Variants in TTLL7 observed in about 807,000 individuals in gnomAD.
TTLL7 encodes the protein tubulin polyglutamylase TTLL7.
A neutral mutation model predicts 120.2 loss-of-function variants in TTLL7; 53 were observed. That is an observed-to-expected ratio of 0.44 (90% CI 0.35 to 0.55). The LOEUF (loss-of-function observed/expected upper bound fraction) is 0.55. Among genes scored for constraint, TTLL7 ranks in the 20% least tolerant of loss-of-function variants. The pLI is 0.00. For synonymous variants in TTLL7, 353 were observed against 351.7 expected (o/e 1.00, Z -0.04); for missense variants, 803 against 1,054.7 (o/e 0.76, Z 3.31).
intron 20 of TTLL7, among the ~76,000 whole-genome samples, chr1:83,876,470 C>CA (rs1448261768): frequency 3.3e-5 from 5 of 151,506 alleles, no homozygotes; most frequent in African/African-American, 1.2e-4. Flanking sequence ...TTCTCCCCGC[C>CA]AAAAATAAAA....
chr1:83,976,272 T>C (rs901738183), intron 1 of TTLL7, among the ~76,000 whole-genome samples: 3 of 152,206 alleles, frequency 2.0e-5, no homozygotes, highest in Admixed American at 1.3e-4. Context: ...TCTGTAGCCA[T>C]CATCAACCCA....
intron 1 of TTLL7, among the ~76,000 whole-genome samples, chr1:83,976,043 G>C (rs375914586): frequency 0.4 from 51,125 of 129,002 alleles, 9,530 homozygotes; most frequent in Non-Finnish European, 0.48. Context: ...CTGTGTGTGT[G>C]TGTGTGTGTG....
intron 14 of TTLL7, among the ~76,000 whole-genome samples, chr1:83,915,467 C>T (rs1298548799): frequency 6.6e-6 from 1 of 152,172 alleles, no homozygotes; most frequent in Non-Finnish European, 1.5e-5. Context: ...GGACCCCTTC[C>T]TTACACCTTA....
chr1:83,928,793 C>T (rs1459998995), intron 10 of TTLL7, among the ~76,000 whole-genome samples: 2 of 151,874 alleles, frequency 1.3e-5, no homozygotes, highest in African/African-American at 4.8e-5. Flanking sequence ...CCAATTTAAT[C>T]TTGTACTCTA....
chr1:83,958,599 A>C (rs142311597), intron 1 of TTLL7, among the ~76,000 whole-genome samples: 33 of 152,308 alleles, frequency 2.2e-4, no homozygotes, highest in African/African-American at 7.9e-4. Context: ...TTTTTGTATT[A>C]TTAATTTCAT....
intron 19 of TTLL7, chr1:83,884,959 GTTAAA>G (rs1427387994): frequency 6.2e-6 from 1 of 162,450 alleles, no homozygotes; most frequent in African/African-American, 2.4e-5. Flanking sequence ...TAATTCGACG[GTTAAA>G]TTAACTGTAA....
chr1:83,875,207 C>G (rs1455369013), intron 20 of TTLL7, among the ~76,000 whole-genome samples: 9 of 151,868 alleles, frequency 5.9e-5, no homozygotes, highest in African/African-American at 2.2e-4. Flanking sequence ...TAATTACTTC[C>G]TTGTTTACTA....
chr1:83,894,285 A>G (rs1197144970), intron 18 of TTLL7, among the ~76,000 whole-genome samples: 1 of 152,168 alleles, frequency 6.6e-6, no homozygotes, highest in Non-Finnish European at 1.5e-5. Context: ...TATGAGTTAT[A>G]TAAAAATAAC....
At chr1:83,873,156 A>G (rs1183980167) in intron 20 of TTLL7, among the ~76,000 whole-genome samples, 1 of 152,230 alleles carries the variant, frequency 6.6e-6, no homozygotes, top group Non-Finnish European at 1.5e-5. Context: ...AAACTTTTTC[A>G]TAGAAGCAGA....
chr1:83,887,996 A>T (rs1422163706), intron 19 of TTLL7, among the ~76,000 whole-genome samples: 1 of 152,040 alleles, frequency 6.6e-6, no homozygotes, highest in Non-Finnish European at 1.5e-5. Context: ...ACTGGCAGGC[A>T]GTATTGTGCC....
At position 83,992,854 on chromosome 1, in the gene TTLL7, G is replaced by C. The variant is rs564813484; in HGVS notation, c.-177+6077C>G. Among the ~76,000 whole-genome samples the C allele has an allele frequency of 2.1e-4, 26 of 125,986 alleles. No homozygotes were observed. In the South Asian group the frequency reaches 5.8e-3, roughly 28 times the overall value. 82.7% of individuals were successfully genotyped at this position (125,986 alleles called of 152,430 possible). A position where few individuals can be genotyped will look rare whatever the true frequency, so the allele number is the denominator to read the frequency against. On this transcript the variant is annotated intron_variant, in intron 1 of 20. Transcript: ENST00000260505. ...AGCTTTTCTCTCCAAAAAACAACTA[G>C]CATGTATTTGTTAGTTAACTGCAGA...
At chr1:83,958,774 T>C (rs1451983623) in intron 1 of TTLL7, among the ~76,000 whole-genome samples, 1 of 152,192 alleles carries the variant, frequency 6.6e-6, no homozygotes, top group African/African-American at 2.4e-5. Flanking sequence ...CAGATTGGAT[T>C]TAATGTCAGT....
chr1:83,893,418 C>T (rs1655951334), intron 18 of TTLL7, among the ~76,000 whole-genome samples: 1 of 151,970 alleles, frequency 6.6e-6, no homozygotes, highest in East Asian at 1.9e-4. Context: ...TACTAATATT[C>T]TGATCTCCAT....
Position 83,870,042 on chromosome 1 carries a change from G to T in TTLL7, c.2584C>A (p.Pro862Thr). ...GAATTGTACTTCAAGTTGTAGGTTGGTGTTCTCAAGAAGAATTGGGTGCTC... is the reference window on the plus strand; with the variant it reads ...GAATTGTACTTCAAGTTGTAGGTTGTTGTTCTCAAGAAGAATTGGGTGCTC... ...PGSTQFFLRT[P>T]TYNLKYNSPG... The change falls in exon 21 of 21, where the codon CCA becomes ACA. Residue 862 changes from proline to threonine, a missense_variant. Around this residue, in one of 3 missense-constraint regions of TTLL7, gnomAD observed 388 missense variants for 450.4 expected, o/e 0.86. Transcript: ENST00000260505. 3 of 1,582,660 alleles carry T rather than the reference G, an allele frequency of 1.9e-6. No homozygotes were observed. Among genetic ancestry groups the T allele is most frequent in the Non-Finnish European group, 2.6e-6 (3 of 1,168,938 alleles).
intron 10 of TTLL7, among the ~76,000 whole-genome samples, chr1:83,926,592 A>C (rs1659152501): frequency 6.6e-6 from 1 of 152,210 alleles, no homozygotes; most frequent in African/African-American, 2.4e-5. Flanking sequence ...TCATAAGAGA[A>C]GACTAAGGAA....
intron 18 of TTLL7, 78 bp downstream of exon 18, chr1:83,903,997 AGTCT>A (rs1557598426): frequency 2.2e-5 from 22 of 1,012,048 alleles, no homozygotes; most frequent in Non-Finnish European, 3.4e-5. Context: ...GCAAATATAC[AGTCT>A]GTCTATGAAT....
intron 1 of TTLL7, among the ~76,000 whole-genome samples, chr1:83,975,285 T>A (rs189726849): frequency 7.2e-5 from 11 of 152,224 alleles, no homozygotes; most frequent in African/African-American, 2.4e-4. Flanking sequence ...GGGTCTGGAG[T>A]GCAGCCTTGA....
chr1:83,959,952 GA>G (rs923256772), intron 1 of TTLL7, among the ~76,000 whole-genome samples: 1 of 151,954 alleles, frequency 6.6e-6, no homozygotes, highest in African/African-American at 2.4e-5. Context: ...AGCATATAAA[GA>G]AATACATAGG....
At chr1:83,884,032 G>A (rs1654746875) in intron 19 of TTLL7, among the ~76,000 whole-genome samples, 1 of 151,744 alleles carries the variant, frequency 6.6e-6, no homozygotes, top group African/African-American at 2.4e-5. Context: ...TTTGTGTGGG[G>A]GGTGTGTGTG....
Sources: gnomAD v4.1 joint callset for allele counts (sites outside exome capture counted in the v4.1 genomes callset) on GRCh38, gnomAD v4.1.1 for gene constraint, gnomAD v4.1.1 regional missense constraint, MANE v1.5 for transcripts, NCBI Gene and HGNC (gene_info 2026-07-23, HGNC 2026-07-21) for gene names.